Variants in VPS13B observed in about 807,000 individuals in gnomAD.
The protein encoded by VPS13B is vacuolar protein sorting 13 homolog B.
In VPS13B, 285 loss-of-function variants were observed where a neutral mutation model predicts 426.4. That is an observed-to-expected ratio of 0.67 (90% confidence interval 0.61 to 0.74). VPS13B has a LOEUF of 0.74. VPS13B is among the 30% of genes least tolerant of loss of function. VPS13B has a pLI of 0.00. For missense variants in VPS13B, 4,537 were observed against 4,782.6 expected (o/e 0.95, Z 1.51); for synonymous variants, 1,676 against 1,676.4 (o/e 1.00, Z 0.01).
intron 3 of VPS13B, among the ~76,000 whole-genome samples, chr8:99,067,224 T>C (rs1324211363): frequency 6.6e-6 from 1 of 152,110 alleles, no homozygotes; most frequent in East Asian, 1.9e-4. Flanking sequence ...TTCACAATAG[T>C]AAAGACTTGG....
intron 7 of VPS13B, 114 bp from the exon 8 acceptor site, chr8:99,121,063 G>A: frequency 1.1e-6 from 1 of 888,428 alleles, no homozygotes; most frequent in Non-Finnish European, 1.7e-6. Context: ...TGTATCATTT[G>A]TTTATACCTT....
At position 99,832,646 on chromosome 8, in the gene VPS13B, G is replaced by C. The variant is rs747611342; in HGVS notation, c.9608G>C (p.Cys3203Ser). Reference sequence around the variant, plus strand: ...GGGAATTTCCGGGAAAATGGATTCTGTACCAGGTATTTTATGTTTATATAA... The same window carrying C: ...GGGAATTTCCGGGAAAATGGATTCTCTACCAGGTATTTTATGTTTATATAA... The part of the protein sequence containing the change: ...PLGNFRENGF[C>S]TRAIVLTYQE... The change falls in exon 52 of 62, where the codon TGT (cysteine) becomes TCT (serine). Residue 3203 changes from cysteine to serine, a missense_variant. Cys to Ser is a moderately radical substitution (Grantham distance 112). Around this residue, in one of 2 missense-constraint regions of VPS13B, gnomAD observed 4,311 missense variants for 4,474.3 expected, o/e 0.96. Transcript: ENST00000357162. 2.7e-5 allele frequency: 44 copies of C among 1,613,434 alleles called. 1 individual carries two copies. The highest frequency in any genetic ancestry group is 2.5e-6 in the Non-Finnish European group (3 of 1,180,008).
At chr8:99,477,708 A>G (rs774593614) in intron 24 of VPS13B, among the ~76,000 whole-genome samples, 23 of 152,204 alleles carry the variant, frequency 1.5e-4, no homozygotes, top group Non-Finnish European at 2.2e-4. Flanking sequence ...AGAGAAGGCT[A>G]TGTATGTAAG....
chr8:99,501,848 T>C lies in VPS13B; in HGVS notation c.4032T>C (p.Asn1344=), dbSNP rs1821248002. 6.2e-7 allele frequency: 1 copy of C among 1,613,750 alleles called. No homozygotes were observed. Among genetic ancestry groups the C allele is most frequent in the African/African-American group, 1.3e-5 (1 of 74,782 alleles). The change falls in exon 26 of 62, where the codon AAT becomes AAC. Residue 1344 remains asparagine, a synonymous_variant. Transcript: ENST00000357162. ...TIKLFAPDPE[N]KGTEVCMVSE... The stretch of plus-strand genomic sequence containing the variant: ...AGCTCTTTGCTCCAGATCCTGAAAA[T>C]AAAGGCACAGGTACAGGATTCCTTT...
At chr8:99,412,949 G>A (rs1390625808) in intron 21 of VPS13B, among the ~76,000 whole-genome samples, 1 of 152,166 alleles carries the variant, frequency 6.6e-6, no homozygotes, top group Non-Finnish European at 1.5e-5. Context: ...TGTGCTGCTG[G>A]ATTTGGTTTG....
chr8:99,696,260 C>G (rs935474915), intron 35 of VPS13B: 1 of 195,320 alleles, frequency 5.1e-6, no homozygotes, highest in African/African-American at 2.4e-5. Flanking sequence ...GAACAAGAAG[C>G]TTGAGGAAGG....
intron 19 of VPS13B, among the ~76,000 whole-genome samples, chr8:99,350,103 A>G (rs1379957952): frequency 1.3e-5 from 2 of 152,198 alleles, no homozygotes; most frequent in Non-Finnish European, 2.9e-5. Flanking sequence ...GAGATTAGAT[A>G]TGAAGGAATT....
At chr8:99,402,761 G>A (rs1815107791) in intron 21 of VPS13B, among the ~76,000 whole-genome samples, 1 of 152,226 alleles carries the variant, frequency 6.6e-6, no homozygotes. Flanking sequence ...AGTCAGGTGA[G>A]CTAGGAAGGC....
At chr8:99,700,034 A>G in intron 36 of VPS13B, 102 bp downstream of exon 36, 5 of 1,400,750 alleles carry the variant, frequency 3.6e-6, no homozygotes, top group Middle Eastern at 1.8e-4. Context: ...TAGAAGTTAA[A>G]AGTTGTAAAG....
At chr8:99,217,516 TA>T (rs1434862570) in intron 17 of VPS13B, among the ~76,000 whole-genome samples, 12 of 152,244 alleles carry the variant, frequency 7.9e-5, no homozygotes, top group African/African-American at 2.9e-4. Context: ...ATTCAGTAGA[TA>T]TTTTTTTATT....
intron 39 of VPS13B, among the ~76,000 whole-genome samples, chr8:99,739,158 G>A (rs1478394352): frequency 3.9e-5 from 6 of 152,184 alleles, no homozygotes; most frequent in Admixed American, 6.5e-5. Flanking sequence ...CTTAGCAAAC[G>A]GCACACCAGG....
rs547404231 is a variant in VPS13B, at chr8:99,280,123, C to T, written c.2824+4869C>T. ...GAGTTCTATTTACATGTCTCCTGCT[C>T]TCTCTTTGCTCTGGCTCTGCTGGCC... On this transcript the variant is annotated intron_variant, in intron 19 of 61. Transcript: ENST00000357162. Among the ~76,000 whole-genome samples the T allele has an allele frequency of 1.2e-4, 18 of 152,146 alleles. 1 individual carries two copies. The South Asian group carries it at 3.6e-3, about 30-fold the overall frequency.
At chr8:99,793,770 G>A (rs937884779) in intron 43 of VPS13B, among the ~76,000 whole-genome samples, 2 of 152,164 alleles carry the variant, frequency 1.3e-5, no homozygotes, top group African/African-American at 4.8e-5. Flanking sequence ...CTGCTATAGA[G>A]GGCAGGAAGG....
At chr8:99,365,243 G>C (rs2133246911) in intron 19 of VPS13B, among the ~76,000 whole-genome samples, 1 of 144,048 alleles carries the variant, frequency 6.9e-6, no homozygotes, top group Non-Finnish European at 1.5e-5. Flanking sequence ...TTGATCTTTT[G>C]TATTTTCTTC....
chr8:99,631,562 G>C (rs1389704666), intron 33 of VPS13B, among the ~76,000 whole-genome samples: 2 of 152,000 alleles, frequency 1.3e-5, no homozygotes, highest in Non-Finnish European at 2.9e-5. Context: ...ATAACACATA[G>C]ACAGGTTGGA....
At chr8:99,827,403 A>T (rs1814754990) in intron 51 of VPS13B, among the ~76,000 whole-genome samples, 1 of 151,030 alleles carries the variant, frequency 6.6e-6, no homozygotes, top group Non-Finnish European at 1.5e-5. Context: ...TTTCTGTGGG[A>T]TCAGTGGTGA....
At chr8:99,085,267 G>C (rs896420927) in intron 3 of VPS13B, among the ~76,000 whole-genome samples, 5 of 152,090 alleles carry the variant, frequency 3.3e-5, no homozygotes, top group Non-Finnish European at 7.4e-5. Context: ...CAGAGACTAG[G>C]ATTGCAACCC....
At chr8:99,697,009 C>T (rs934520735) in intron 35 of VPS13B, 5 of 589,992 alleles carry the variant, frequency 8.5e-6, no homozygotes, top group Non-Finnish European at 1.6e-5. Context: ...GGTATGTGGG[C>T]CCTCCGCCTC....
chr8:99,283,860 T>A (rs1350769919), intron 19 of VPS13B, among the ~76,000 whole-genome samples: 1 of 152,190 alleles, frequency 6.6e-6, no homozygotes, highest in Non-Finnish European at 1.5e-5. Flanking sequence ...TTCTAAAGGA[T>A]TATGATAATT....
Sources: allele counts gnomAD v4.1 joint callset (sites outside exome capture counted in the v4.1 genomes callset), GRCh38; gene constraint gnomAD v4.1.1; regional missense constraint gnomAD v4.1.1; transcripts MANE v1.5; gene names NCBI Gene and HGNC (gene_info 2026-07-23, HGNC 2026-07-21).